NLRP1: variants seen among roughly 807,000 people sequenced by gnomAD.
The protein encoded by NLRP1 is NLR family pyrin domain containing 1.
In NLRP1, 94 loss-of-function variants were observed where a neutral mutation model predicts 136.7. That is an observed-to-expected ratio of 0.69 (90% CI 0.58 to 0.82). The LOEUF is 0.82. Ranked by LOEUF, NLRP1 falls within the 40% of genes least tolerant of loss-of-function variation. The probability of loss-of-function intolerance (pLI) is 0.00; values close to 1 mark genes in which losing one functional copy is unlikely to be tolerated. For synonymous variants in NLRP1, 690 were observed against 725.1 expected (o/e 0.95, Z 0.78); for missense variants, 1,575 against 1,802.7 (o/e 0.87, Z 2.29).
At chr17:5,511,874 C>CTTCT (rs1555541255), downstream of NLRP1, among the ~76,000 whole-genome samples, 1 of 149,496 alleles carries the variant, frequency 6.7e-6, no homozygotes, top group Non-Finnish European at 1.5e-5. Flanking sequence ...CTTTCTCTCT[C>CTTCT]TTCTTTCTTC....
At chr17:5,512,090 G>T (rs1907678533), downstream of NLRP1, 5 of 736,298 alleles carry the variant, frequency 6.8e-6, no homozygotes, top group African/African-American at 1.7e-5. Flanking sequence ...TGTGGTTTTG[G>T]TGCATCCACA....
intron 3 of NLRP1, among the ~76,000 whole-genome samples, chr17:5,574,077 GCTAA>G (rs1260759898): frequency 6.6e-6 from 1 of 152,144 alleles, no homozygotes; most frequent in African/African-American, 2.4e-5. Flanking sequence ...TAGACAAATG[GCTAA>G]CTAAAATAAC....
At chr17:5,509,154 C>T (rs948310383), downstream of NLRP1, among the ~76,000 whole-genome samples, 1 of 152,218 alleles carries the variant, frequency 6.6e-6, no homozygotes, top group Admixed American at 6.5e-5. Flanking sequence ...TACTGCTAGA[C>T]TTCCCTTCAA....
chr17:5,553,768 C>G (rs1913681387), intron 4 of NLRP1, among the ~76,000 whole-genome samples: 1 of 152,130 alleles, frequency 6.6e-6, no homozygotes, highest in South Asian at 2.1e-4. Flanking sequence ...TTCTACAGCC[C>G]TTACCATAGC....
In NLRP1 at chr17:5,507,825, C is replaced by T. The variant is rs113638229; in HGVS notation, c.4070-5953G>A. ...CAACCTGGGCAACAAAGCGAGACTC[C>T]GTCTCAAAAAAGAAAAAAATTAGCC... On this transcript the variant is annotated intron_variant, in intron 15 of 15. Transcript: ENST00000262467. 3.2e-3 allele frequency among the ~76,000 whole-genome samples: 478 copies of T among 150,510 alleles called. 2 individuals carry two copies. Among genetic ancestry groups the T allele is most frequent in the Non-Finnish European group, 5.7e-3 (383 of 67,482 alleles).
intron 3 of NLRP1, among the ~76,000 whole-genome samples, chr17:5,575,052 C>A (rs1488966500): frequency 6.6e-6 from 1 of 152,166 alleles, no homozygotes; most frequent in East Asian, 1.9e-4. Flanking sequence ...GAAATAAAAT[C>A]CTTTACAGAC....
intron 3 of NLRP1, 151 bp from the exon 4 acceptor site, chr17:5,560,194 T>C (rs950631460): frequency 4.2e-6 from 3 of 718,320 alleles, no homozygotes; most frequent in Admixed American, 6.4e-5. Flanking sequence ...GAAGGACATG[T>C]GCTTTGGGGT....
intron 3 of NLRP1, among the ~76,000 whole-genome samples, chr17:5,580,967 A>G (rs779340169): frequency 6.6e-6 from 1 of 152,228 alleles, no homozygotes; most frequent in Non-Finnish European, 1.5e-5. Context: ...CTCACGCGGT[A>G]TATGTGCAGG....
At chr17:5,525,286 A>G (rs913760939) in intron 12 of NLRP1, among the ~76,000 whole-genome samples, 1 of 152,238 alleles carries the variant, frequency 6.6e-6, no homozygotes, top group African/African-American at 2.4e-5. Context: ...GGGCACTGCA[A>G]TTCCAGAGCT....
rs769370941 is a variant in NLRP1 at position 5,558,729 on chromosome 17, G to C, written c.1967C>G (p.Thr656Arg). ...HSNCIIDLEK[T>R]LEAYGIHGLF... Reference sequence around the variant, plus strand: ...GCCATGTATTCCATATGCTTCTAGCGTCTTTTCCAAATCTATGATGCAATT... The same window carrying C: ...GCCATGTATTCCATATGCTTCTAGCCTCTTTTCCAAATCTATGATGCAATT... The change falls in exon 4 of 17, where the codon ACG becomes AGG. Residue 656 changes from threonine (T) to arginine (R), a missense_variant. Thr to Arg is a moderately conservative substitution (Grantham distance 71). Transcript: ENST00000572272. 5 of 1,614,156 alleles carry C rather than the reference G, an allele frequency of 3.1e-6. No individual in the cohort carries two copies. The highest frequency in any genetic ancestry group is 4.2e-6 in the Non-Finnish European group (5 of 1,180,042).
chr17:5,520,787 T>C (rs1908792432), intron 14 of NLRP1, 94 bp downstream of exon 14: 4 of 1,165,228 alleles, frequency 3.4e-6, no homozygotes, highest in Non-Finnish European at 4.6e-6. Flanking sequence ...CGATTTATCC[T>C]GTCCCTGAGA....
chr17:5,553,473 T>C lies in NLRP1; in HGVS notation c.2441A>G (p.Asp814Gly). ...GTGGCTCAGCGAGTTTCCACTTAGG[T>C]CCAGCTCCTTCAGGTTTCTGGTGAC... The part of the protein sequence containing the change: ...LKVTRNLKEL[D>G]LSGNSLSHSA... Residue 814 changes from aspartate (D) to glycine (G), a missense_variant, in exon 5 of 17, where the codon GAC becomes GGC. By Grantham distance (94) the Asp-to-Gly change is moderately conservative (BLOSUM62 -1). Coordinates refer to ENST00000572272, the MANE Select transcript of NLRP1 (RefSeq NM_033004.4). 1 of 1,614,130 alleles carries C rather than the reference T, an allele frequency of 6.2e-7. No homozygotes were observed. Among genetic ancestry groups the C allele is most frequent in the Non-Finnish European group, 8.5e-7 (1 of 1,180,010 alleles).
chr17:5,559,191 C>T lies in NLRP1; in HGVS notation c.1505G>A (p.Arg502Lys). Residue 502 changes from arginine (R) to lysine (K), a missense_variant, in exon 4 of 17, where the codon AGA becomes AAA. Physicochemically the swap from Arg to Lys is conservative, Grantham distance 26. Transcript: ENST00000572272. ...RYFTDERQAI[R>K]AFRLVKSNKE... ...GTTTGATTTGACCAACCTAAAGGCT[C>T]TAATTGCTTGCCTTTCATCTGTGAA... is the stretch of plus-strand genomic sequence containing the variant. 6.2e-7 allele frequency: 1 copy of T among 1,614,202 alleles called. No individual in the cohort carries two copies. Among genetic ancestry groups the T allele is most frequent in the Non-Finnish European group, 8.5e-7 (1 of 1,180,040 alleles).
chr17:5,528,483 T>C (rs1302104351), intron 12 of NLRP1, among the ~76,000 whole-genome samples: 3 of 152,198 alleles, frequency 2.0e-5, no homozygotes, highest in Non-Finnish European at 1.5e-5. Flanking sequence ...CCAGGGATCC[T>C]GAGGCCCCCG....
chr17:5,539,366 C>A (rs542333004), intron 7 of NLRP1, 49 bp downstream of exon 7: 8 of 1,518,234 alleles, frequency 5.3e-6, no homozygotes, highest in Admixed American at 4.1e-5. Context: ...CTGTCCGATA[C>A]CCCCCCAACC....
At position 5,558,429 on chromosome 17, in the gene NLRP1, A is replaced by G. The variant is rs1914351251; in HGVS notation, c.2267T>C (p.Phe756Ser). Residue 756 changes from phenylalanine to serine, a missense_variant, in exon 4 of 17, where the codon TTC (phenylalanine) becomes TCC (serine). Transcript: ENST00000572272. ...CACGTGGCGGCTGAATTTAATGCAG[A>G]AAGTGCACACTAAGAGCTCCATGTC... Reference protein sequence around the residue: ...ETDMELLVCTFCIKFSRHVKK... With the variant: ...ETDMELLVCTSCIKFSRHVKK... 6.2e-7 allele frequency: 1 copy of G among 1,614,150 alleles called. No homozygotes were observed. Among genetic ancestry groups the G allele is most frequent in the Non-Finnish European group, 8.5e-7 (1 of 1,180,030 alleles).
rs2151833175 is a variant in NLRP1, at chr17:5,584,061, CT to C, written c.-105del. On this transcript the variant is annotated 5_prime_UTR_variant, in exon 1 of 17. It removes the in-frame stop codon of an upstream open reading frame in the 5' UTR. Coordinates refer to ENST00000572272, the MANE Select transcript of NLRP1 (RefSeq NM_033004.4). ...TCCTTTGCCTTGGCTCTTACCGTCTCTTATTCAGCATTCGGAACCCAGTTTT... is the reference window on the plus strand; with the variant it reads ...TCCTTTGCCTTGGCTCTTACCGTCTCTATTCAGCATTCGGAACCCAGTTTT... The C allele has an allele frequency of 3.5e-6, 4 of 1,143,514 alleles. No homozygotes were observed. The East Asian group carries it at 1.0e-4, about 29-fold the overall frequency. The allele number at this position is 1,143,514 out of a possible 1,614,324, so 70.8% of individuals were successfully genotyped here.
Position 5,520,937 on chromosome 17 carries a change from C to T in NLRP1, c.3859G>A (p.Gly1287Ser). The T allele has an allele frequency of 6.2e-7, 1 of 1,612,364 alleles. No individual in the cohort carries two copies. The highest frequency in any genetic ancestry group is 8.5e-7 in the Non-Finnish European group (1 of 1,179,158). Residue 1287 changes from glycine to serine, a missense_variant, in exon 14 of 17, where the codon GGC becomes AGC. By Grantham distance (56) the Gly-to-Ser change is moderately conservative. Transcript: ENST00000572272. ...GACCCAGACACAGTGTAACGACAGCCCATATAAAGTGGGGTCAGCGGGGGT... is the reference window on the plus strand; with the variant it reads ...GACCCAGACACAGTGTAACGACAGCTCATATAAAGTGGGGTCAGCGGGGGT... Reference protein sequence around the residue: ...KPPPLTPLYMGCRYTVSGSGS... With the variant: ...KPPPLTPLYMSCRYTVSGSGS...
intron 4 of NLRP1, 145 bp downstream of exon 4, chr17:5,558,194 T>C (rs3744717): frequency 0.15 from 112,275 of 763,924 alleles, 12,947 homozygotes; most frequent in East Asian, 0.52. Context: ...GTGGTCAGAT[T>C]GGGCAGTTAG....
Sources: gnomAD v4.1 joint callset for allele counts (sites outside exome capture counted in the v4.1 genomes callset) on GRCh38, gnomAD v4.1.1 for gene constraint, MANE v1.5 for transcripts, NCBI Gene and HGNC (gene_info 2026-07-23, HGNC 2026-07-21) for gene names.